CCDC102A: variants seen among roughly 807,000 people sequenced by gnomAD.
CCDC102A encodes coiled-coil domain-containing protein 102A.
Under a neutral mutation model 55.5 loss-of-function variants are expected in CCDC102A, and 40 were observed. That is an observed-to-expected ratio of 0.72 (90% confidence interval 0.56 to 0.94). CCDC102A has a LOEUF of 0.94. Among genes scored for constraint, CCDC102A ranks in the 40% least tolerant of loss-of-function variants. The probability of loss-of-function intolerance (pLI) is 0.00; values close to 1 mark genes in which losing one functional copy is unlikely to be tolerated. For missense variants in CCDC102A, 779 were observed against 768.6 expected (o/e 1.01, Z -0.16); for synonymous variants, 323 against 339.0 (o/e 0.95, Z 0.52).
At chr16:57,518,454 C>A (rs2031995561) in intron 5 of CCDC102A, among the ~76,000 whole-genome samples, 171 bp downstream of exon 5, 1 of 152,242 alleles carries the variant, frequency 6.6e-6, no homozygotes, top group Non-Finnish European at 1.5e-5. Flanking sequence ...GCGCTTCTGG[C>A]CTCTGTGTGG....
In CCDC102A at chr16:57,528,628, G is replaced by A. The variant is rs758527446; in HGVS notation, c.550C>T (p.Arg184Cys). The part of the protein sequence containing the change: ...PEPEAEREPV[R>C]DVGSERPPGS... The stretch of plus-strand genomic sequence containing the variant: ...GGCGGCCTCTCGGACCCGACGTCAC[G>A]CACTGGCTCGCGCTCCGCTTCCGGC... Residue 184 changes from arginine (R) to cysteine (C), a missense_variant, in exon 2 of 9, where the codon CGT (arginine) becomes TGT (cysteine). Arg to Cys is a radical substitution (Grantham distance 180). Transcript: ENST00000258214. The A allele has an allele frequency of 6.8e-5, 86 of 1,257,402 alleles. No homozygotes were observed. The highest frequency in any genetic ancestry group is 1.5e-5 in the Non-Finnish European group (15 of 994,080). 77.9% of individuals were successfully genotyped at this position (1,257,402 alleles called of 1,614,324 possible).
intron 1 of CCDC102A, among the ~76,000 whole-genome samples, chr16:57,533,378 G>A (rs1238065598): frequency 1.3e-5 from 2 of 151,986 alleles, no homozygotes; most frequent in Admixed American, 1.3e-4. Context: ...AGACCCAAGG[G>A]CAGCCAGACC....
At chr16:57,521,778 T>C (rs926354608) in intron 3 of CCDC102A, among the ~76,000 whole-genome samples, 4 of 152,226 alleles carry the variant, frequency 2.6e-5, no homozygotes, top group African/African-American at 7.2e-5. Flanking sequence ...GCATGATGCC[T>C]GGCCCTGGCA....
chr16:57,529,293 T>C lies in CCDC102A; in HGVS notation c.-116A>G. On this transcript the variant is annotated 5_prime_UTR_variant, in exon 2 of 9. Coordinates refer to ENST00000258214, the MANE Select transcript of CCDC102A (RefSeq NM_033212.4). This position sits in a 1 kb window ranked among gnomAD's most constrained non-coding sequence, Gnocchi z 4.1. ...GATGACGCCGTGCCCCGCTTCCCTC[T>C]GGGCCACCGGGCGGAGGACGCCTCC... is the stretch of plus-strand genomic sequence containing the variant. The C allele has an allele frequency of 8.9e-7, 1 of 1,118,174 alleles. No individual in the cohort carries two copies. The highest frequency in any genetic ancestry group is 1.1e-6 in the Non-Finnish European group (1 of 913,832). 69.3% of individuals were successfully genotyped at this position (1,118,174 alleles called of 1,614,324 possible).
At chr16:57,536,915 A>G (rs1449615693), upstream of CCDC102A, among the ~76,000 whole-genome samples, 1 of 152,174 alleles carries the variant, frequency 6.6e-6, no homozygotes, top group East Asian at 1.9e-4. Flanking sequence ...CGCGGGTCCC[A>G]GCTCGGCACG....
chr16:57,515,316 T>C, intron 8 of CCDC102A, 25 bp downstream of exon 8: 3 of 1,438,812 alleles, frequency 2.1e-6, no homozygotes, highest in Non-Finnish European at 2.9e-6. Flanking sequence ...CTCTGCCCTG[T>C]TTCTGTTCCC....
At position 57,512,850 on chromosome 16, in the gene CCDC102A, T is replaced by C. The variant is rs2031890630; in HGVS notation, c.1544A>G (p.Asn515Ser). 1 of 1,613,792 alleles carries C rather than the reference T, an allele frequency of 6.2e-7. No homozygotes were observed. The highest frequency in any genetic ancestry group is 8.5e-7 in the Non-Finnish European group (1 of 1,179,954). ...GCGGATCTTCCCGAAGAGGGGAGCGTTCTGCTGCTGCCTGCGGAGCCTGTG... is the reference window on the plus strand; with the variant it reads ...GCGGATCTTCCCGAAGAGGGGAGCGCTCTGCTGCTGCCTGCGGAGCCTGTG... ...LQSRLRRQQQ[N>S]APLFGKIRSA... The change falls in exon 9 of 9, where the codon AAC becomes AGC. Residue 515 changes from asparagine (N) to serine (S), a missense_variant. By Grantham distance (46) the Asn-to-Ser change is conservative. Transcript: ENST00000258214.
chr16:57,522,684 C>A (rs897207832), intron 3 of CCDC102A, among the ~76,000 whole-genome samples: 1 of 152,308 alleles, frequency 6.6e-6, no homozygotes, highest in African/African-American at 2.4e-5. Flanking sequence ...AGCTGTCCTG[C>A]GAGGTGACTT....
At chr16:57,533,291 G>C (rs1302609097) in intron 1 of CCDC102A, among the ~76,000 whole-genome samples, 2 of 152,066 alleles carry the variant, frequency 1.3e-5, no homozygotes, top group African/African-American at 4.8e-5. Flanking sequence ...GAAGGGGTGG[G>C]GGTCGGGGTC....
At chr16:57,531,867 A>G (rs1598080741) in intron 1 of CCDC102A, among the ~76,000 whole-genome samples, 2 of 151,134 alleles carry the variant, frequency 1.3e-5, no homozygotes, top group South Asian at 2.1e-4. Context: ...CTTACCTTCA[A>G]CTATGGAGCC....
intron 1 of CCDC102A, among the ~76,000 whole-genome samples, chr16:57,535,562 G>A (rs918802593): frequency 6.6e-6 from 1 of 152,084 alleles, no homozygotes; most frequent in Non-Finnish European, 1.5e-5. Context: ...GGGTCTGCAG[G>A]CACCAGGCCA....
rs889767505 is a variant in CCDC102A at position 57,535,813 on chromosome 16, C to T, written c.-148+687G>A. On this transcript the variant is annotated intron_variant, in intron 1 of 8. Coordinates refer to ENST00000258214, the MANE Select transcript of CCDC102A (RefSeq NM_033212.4). ...GGCACTAAAAAGATTCCTGAACGCTCTAACAGGTGGGCAGACCTCCCGAAC... is the reference window on the plus strand; with the variant it reads ...GGCACTAAAAAGATTCCTGAACGCTTTAACAGGTGGGCAGACCTCCCGAAC... 2.6e-5 allele frequency among the ~76,000 whole-genome samples: 4 copies of T among 152,184 alleles called. No individual in the cohort carries two copies. In the East Asian group the frequency reaches 7.7e-4, roughly 29 times the overall value.
chr16:57,523,803 G>A (rs1295690197), intron 3 of CCDC102A, among the ~76,000 whole-genome samples: 2 of 152,086 alleles, frequency 1.3e-5, no homozygotes, highest in East Asian at 1.9e-4. Context: ...AAAATTAGCC[G>A]GGTCTGGTGG....
At chr16:57,521,301 A>G (rs1251883865) in intron 3 of CCDC102A, 125 bp from the exon 4 acceptor site, 1 of 701,898 alleles carries the variant, frequency 1.4e-6, no homozygotes, top group Admixed American at 2.2e-5. Context: ...TTGCCTTGGT[A>G]TTCAGGCCCA....
chr16:57,517,629 C>T (rs1397183360), intron 6 of CCDC102A, among the ~76,000 whole-genome samples: 1 of 152,220 alleles, frequency 6.6e-6, no homozygotes, highest in African/African-American at 2.4e-5. Flanking sequence ...CAGATGTGTG[C>T]CACTGCGCCT....
chr16:57,533,344 A>T (rs2032306017), intron 1 of CCDC102A, among the ~76,000 whole-genome samples: 1 of 151,772 alleles, frequency 6.6e-6, no homozygotes, highest in African/African-American at 2.4e-5. Flanking sequence ...CCCCCAGCAC[A>T]CCAGGAATCC....
intron 8 of CCDC102A, among the ~76,000 whole-genome samples, chr16:57,513,330 C>A (rs767618894): frequency 9.9e-5 from 15 of 152,178 alleles, no homozygotes; most frequent in Non-Finnish European, 1.5e-4. Context: ...ATTAAAATTC[C>A]TAAAGTCAAA....
chr16:57,525,189 G>A (rs570067908), intron 3 of CCDC102A, among the ~76,000 whole-genome samples: 2 of 152,198 alleles, frequency 1.3e-5, no homozygotes, highest in South Asian at 2.1e-4. Flanking sequence ...TCCACCTCCC[G>A]GCTTCAAGCA....
At chr16:57,521,406 G>A (rs773133077) in intron 3 of CCDC102A, among the ~76,000 whole-genome samples, 5 of 152,226 alleles carry the variant, frequency 3.3e-5, no homozygotes, top group Non-Finnish European at 5.9e-5. Context: ...ATTGTGGGGA[G>A]GTGGTCGGGG....
Sources: allele counts gnomAD v4.1 joint callset (sites outside exome capture counted in the v4.1 genomes callset), GRCh38; gene constraint gnomAD v4.1.1; non-coding constraint Gnocchi (gnomAD v3.1); transcripts MANE v1.5; gene names NCBI Gene and HGNC (gene_info 2026-07-23, HGNC 2026-07-21).